The following PKHD1 variants were observed in gnomAD, a reference collection of about 807,000 sequenced individuals.
PKHD1 encodes the protein PKHD1 ciliary IPT domain containing fibrocystin/polyductin.
Under a neutral mutation model 412.0 loss-of-function variants are expected in PKHD1, and 291 were observed. That is an observed-to-expected ratio of 0.71 (90% CI 0.64 to 0.78). The LOEUF is 0.78. Among genes scored for constraint, PKHD1 ranks in the 30% least tolerant of loss-of-function variants. PKHD1 has a pLI of 0.00. For missense variants in PKHD1, 4,825 were observed against 4,950.7 expected (o/e 0.97, Z 0.76); for synonymous variants, 1,777 against 1,821.5 (o/e 0.98, Z 0.62).
intron 4 of PKHD1, among the ~76,000 whole-genome samples, chr6:52,081,883 C>T (rs1001949251): frequency 6.6e-6 from 1 of 151,982 alleles, no homozygotes; most frequent in Non-Finnish European, 1.5e-5. Flanking sequence ...TAAAAATGAA[C>T]ATGAACTAGT....
At chr6:51,792,711 A>C (rs1793947716) in intron 52 of PKHD1, among the ~76,000 whole-genome samples, 1 of 152,204 alleles carries the variant, frequency 6.6e-6, no homozygotes, top group African/African-American at 2.4e-5. Flanking sequence ...TCTCTCAGTT[A>C]GATGTAGAGC....
chr6:52,086,034 CATATAAAT>C (rs1468585572), intron 1 of PKHD1, among the ~76,000 whole-genome samples: 1 of 147,690 alleles, frequency 6.8e-6, no homozygotes, highest in African/African-American at 2.5e-5. Flanking sequence ...ATGTTTATTA[CATATAAAT>C]ATATAAATAT....
intron 53 of PKHD1, among the ~76,000 whole-genome samples, chr6:51,778,064 T>C (rs1373443192): frequency 6.6e-6 from 1 of 152,050 alleles, no homozygotes; most frequent in Non-Finnish European, 1.5e-5. Context: ...GCTTCTTGAA[T>C]GTGTAAAAGC....
intron 60 of PKHD1, among the ~76,000 whole-genome samples, chr6:51,739,122 TA>T (rs1341946535): frequency 6.8e-6 from 1 of 148,004 alleles, no homozygotes; most frequent in Non-Finnish European, 1.5e-5. Context: ...TATATTTTTT[TA>T]CATATATATA....
chr6:51,847,767 A>G lies in PKHD1; in HGVS notation c.8107+8T>C. 1 of 1,588,926 alleles carries G rather than the reference A, an allele frequency of 6.3e-7. No individual in the cohort carries two copies. Among genetic ancestry groups the G allele is most frequent in the Non-Finnish European group, 8.6e-7 (1 of 1,157,158 alleles). ...GCTCTCAAAACATTCATCCAATTGGATACTTACCCAGATAGGTGAGTTGCC... is the reference window on the plus strand; with the variant it reads ...GCTCTCAAAACATTCATCCAATTGGGTACTTACCCAGATAGGTGAGTTGCC... On this transcript the variant is annotated splice_region_variant and intron_variant, in intron 50 of 66. Transcript: ENST00000371117.
intron 55 of PKHD1, among the ~76,000 whole-genome samples, chr6:51,756,636 T>C (rs959456416): frequency 6.6e-6 from 1 of 152,170 alleles, no homozygotes; most frequent in Non-Finnish European, 1.5e-5. Flanking sequence ...ATATGCTCCA[T>C]TTTTTAATAA....
chr6:52,073,851 G>A (rs936545002), intron 6 of PKHD1, among the ~76,000 whole-genome samples: 1 of 152,092 alleles, frequency 6.6e-6, no homozygotes, highest in Non-Finnish European at 1.5e-5. Context: ...CAGAAAGGAG[G>A]GGCTCATCTC....
At chr6:51,882,965 T>G in intron 46 of PKHD1, 128 bp downstream of exon 46, 1 of 749,662 alleles carries the variant, frequency 1.3e-6, no homozygotes, top group Middle Eastern at 3.0e-4. Context: ...TCTTTTAACT[T>G]TTACTAATTA....
rs111245014 is a variant in PKHD1 at position 52,015,715 on chromosome 6, T to G, written c.5600+1695A>C. On this transcript the variant is annotated intron_variant, in intron 34 of 66. Coordinates refer to ENST00000371117, the MANE Select transcript of PKHD1 (RefSeq NM_138694.4). ...GGTGAGCACCTGTAGTCCCAGCTACTCAGGAAGCTGAGGCAGGAGAATGGC... is the reference window on the plus strand; with the variant it reads ...GGTGAGCACCTGTAGTCCCAGCTACGCAGGAAGCTGAGGCAGGAGAATGGC... Among the ~76,000 whole-genome samples, 463 of 151,914 alleles carry G rather than the reference T, an allele frequency of 3.0e-3. 3 individuals are homozygous for G. Among genetic ancestry groups the G allele is most frequent in the African/African-American group, 0.011 (445 of 41,392 alleles).
intron 60 of PKHD1, among the ~76,000 whole-genome samples, chr6:51,672,815 G>A (rs1775215287): frequency 6.6e-6 from 1 of 152,152 alleles, no homozygotes; most frequent in African/African-American, 2.4e-5. Context: ...CACAAGGAAG[G>A]GGCTCTTGAA....
intron 36 of PKHD1, among the ~76,000 whole-genome samples, chr6:51,940,303 G>A (rs1380348768): frequency 6.6e-6 from 1 of 151,712 alleles, no homozygotes; most frequent in African/African-American, 2.4e-5. Context: ...ATAGAGTAGA[G>A]GCAGCCAAGT....
At chr6:51,844,642 C>G (rs1321539424) in intron 50 of PKHD1, among the ~76,000 whole-genome samples, 1 of 152,102 alleles carries the variant, frequency 6.6e-6, no homozygotes, top group Middle Eastern at 3.2e-3. Context: ...ACACATGCAG[C>G]AGCCAAACAG....
At chr6:51,818,518 C>T (rs954562531) in intron 52 of PKHD1, among the ~76,000 whole-genome samples, 1 of 152,180 alleles carries the variant, frequency 6.6e-6, no homozygotes, top group Non-Finnish European at 1.5e-5. Context: ...CTTTCTTGGG[C>T]ATGCCCTCTT....
chr6:52,015,958 A>T (rs183696479), intron 34 of PKHD1, among the ~76,000 whole-genome samples: 1 of 152,352 alleles, frequency 6.6e-6, no homozygotes, highest in East Asian at 1.9e-4. Flanking sequence ...TGCTTCAGCC[A>T]TCCCATACAA....
Position 51,698,847 on chromosome 6 carries a change from C to T in PKHD1, c.10157-38878G>A, listed in dbSNP as rs961628936. Among the ~76,000 whole-genome samples the T allele has an allele frequency of 3.9e-5, 6 of 152,174 alleles. No individual in the cohort carries two copies. In the South Asian group the frequency reaches 6.2e-4, roughly 16 times the overall value. On this transcript the variant is annotated intron_variant, in intron 60 of 66. Coordinates refer to ENST00000371117, the MANE Select transcript of PKHD1 (RefSeq NM_138694.4). ...AAAGTGATGGGTTTTAACAAGATCT[C>T]GCAACTCTGCGTTTTGAATAATTAT... is the stretch of plus-strand genomic sequence containing the variant.
At chr6:52,069,567 A>C in intron 10 of PKHD1, 40 bp from the exon 11 acceptor site, 1 of 1,506,820 alleles carries the variant, frequency 6.6e-7, no homozygotes. Context: ...TGAAAATATC[A>C]ACTGGGATTG....
intron 36 of PKHD1, among the ~76,000 whole-genome samples, chr6:51,950,240 T>TATATATATATATATATATGA (rs1790155461): frequency 7.0e-6 from 1 of 142,578 alleles, no homozygotes; most frequent in Admixed American, 7.1e-5. Context: ...TATATATATA[T>TATATATATATATATATATGA]GAAATAAAAT....
chr6:52,022,185 C>T (rs1801493096), intron 33 of PKHD1, among the ~76,000 whole-genome samples: 1 of 152,216 alleles, frequency 6.6e-6, no homozygotes, highest in South Asian at 2.1e-4. Flanking sequence ...AAAGACACGG[C>T]TTCTCATACC....
chr6:51,634,869 C>A (rs1463479064), intron 64 of PKHD1, among the ~76,000 whole-genome samples: 1 of 152,116 alleles, frequency 6.6e-6, no homozygotes, highest in Non-Finnish European at 1.5e-5. Context: ...AGGCAAAAGG[C>A]CCTTGAGAAC....
Sources: gnomAD v4.1 joint callset for allele counts (sites outside exome capture counted in the v4.1 genomes callset) on GRCh38, gnomAD v4.1.1 for gene constraint, MANE v1.5 for transcripts, NCBI Gene and HGNC (gene_info 2026-07-23, HGNC 2026-07-21) for gene names.